Variants in RBFOX1 observed in about 807,000 individuals in gnomAD.
The protein encoded by RBFOX1 is RNA binding protein fox-1 homolog 1.
In RBFOX1, 8 loss-of-function variants were observed where a neutral mutation model predicts 57.7. The observed-to-expected ratio is 0.14, with a 90% CI of 0.08 to 0.25. The LOEUF (loss-of-function observed/expected upper bound fraction) is 0.25, where lower values mean the gene tolerates loss of function less well. Ranked by LOEUF, RBFOX1 falls within the 10% of genes least tolerant of loss-of-function variation. RBFOX1 has a pLI of 1.00. For missense variants in RBFOX1, 611 were observed against 548.5 expected (o/e 1.11, Z -1.14); for synonymous variants, 326 against 222.4 (o/e 1.47, Z -4.15).
intron 1 of RBFOX1, among the ~76,000 whole-genome samples, chr16:6,034,087 C>T (rs542738058): frequency 6.6e-6 from 1 of 152,054 alleles, no homozygotes; most frequent in South Asian, 2.1e-4. Flanking sequence ...GTAATCCCAG[C>T]CCTTTGGGAG....
intron 1 of RBFOX1, among the ~76,000 whole-genome samples, chr16:6,224,019 C>T (rs544116139): frequency 2.0e-4 from 30 of 152,018 alleles, no homozygotes; most frequent in Admixed American, 1.1e-3. Flanking sequence ...TGTAGATATG[C>T]GGCGTTATTT....
intron 4 of RBFOX1, among the ~76,000 whole-genome samples, chr16:7,329,721 G>C (rs1209008908): frequency 6.6e-6 from 1 of 152,168 alleles, no homozygotes; most frequent in African/African-American, 2.4e-5. Flanking sequence ...CTGGAGGTGG[G>C]AGGGACAGCC....
At chr16:7,060,459 G>A (rs2053902643) in intron 4 of RBFOX1, among the ~76,000 whole-genome samples, 2 of 152,148 alleles carry the variant, frequency 1.3e-5, no homozygotes, top group African/African-American at 4.8e-5. Context: ...AAAGCCTGAA[G>A]TTATTTCTAT....
At chr16:5,424,667 C>T (rs1359265968) in intron 1 of RBFOX1, among the ~76,000 whole-genome samples, 1 of 152,016 alleles carries the variant, frequency 6.6e-6, no homozygotes, top group Non-Finnish European at 1.5e-5. Flanking sequence ...CACGTGTATC[C>T]TGGAACTTAA....
chr16:6,568,211 T>C (rs1490740942), intron 2 of RBFOX1, among the ~76,000 whole-genome samples: 1 of 152,192 alleles, frequency 6.6e-6, no homozygotes, highest in Non-Finnish European at 1.5e-5. Context: ...GGTCCAGGAA[T>C]CTGGGAGTGG....
intron 2 of RBFOX1, among the ~76,000 whole-genome samples, chr16:5,540,473 G>C (rs2044886082): frequency 6.6e-6 from 1 of 152,188 alleles, no homozygotes; most frequent in Non-Finnish European, 1.5e-5. Flanking sequence ...CCAAACTTAA[G>C]TTTGGGGAAT....
rs1322228103 is a variant in RBFOX1, at chr16:5,564,227, A to C, written c.259-34675A>C. ...GGGACAGGGTTTCACTGTGTTGGCC[A>C]GGCTGGTCTTGAACTCCTGACCTCA... is the stretch of plus-strand genomic sequence containing the variant. On this transcript the variant is annotated intron_variant, in intron 2 of 2. Transcript: ENST00000585867. Among the ~76,000 whole-genome samples the C allele has an allele frequency of 2.7e-4, 41 of 151,938 alleles. 2 individuals are homozygous for C. Among genetic ancestry groups the C allele is most frequent in the Admixed American group, 2.7e-3 (41 of 15,236 alleles).
chr16:6,948,596 G>C (rs1171448908), intron 3 of RBFOX1, among the ~76,000 whole-genome samples: 1 of 151,678 alleles, frequency 6.6e-6, no homozygotes, highest in Non-Finnish European at 1.5e-5. Context: ...TGGCCAGACT[G>C]GTCTTGAACT....
intron 3 of RBFOX1, among the ~76,000 whole-genome samples, chr16:6,657,961 A>C (rs972383705): frequency 6.6e-6 from 1 of 151,868 alleles, no homozygotes; most frequent in South Asian, 2.1e-4. Flanking sequence ...CTTTCTGTCT[A>C]CTTCGTTTCC....
At chr16:7,510,198 C>T (rs886378935) in intron 4 of RBFOX1, 2 of 985,802 alleles carry the variant, frequency 2.0e-6, no homozygotes, top group African/African-American at 1.7e-5. Context: ...ACACATTGCA[C>T]AGCGCGCACA....
At chr16:7,177,066 C>G (rs1464368932) in intron 4 of RBFOX1, among the ~76,000 whole-genome samples, 1 of 152,202 alleles carries the variant, frequency 6.6e-6, no homozygotes, top group Non-Finnish European at 1.5e-5. Context: ...TAAATTCAGA[C>G]ATTGCCTGTC....
At position 6,091,537 on chromosome 16, in the gene RBFOX1, A is replaced by AC. The variant is rs60723439; in HGVS notation, c.-127+71546dup. Among the ~76,000 whole-genome samples, 30 of 151,922 alleles carry AC rather than the reference A, an allele frequency of 2.0e-4. No individual in the cohort carries two copies. In the East Asian group the frequency reaches 5.8e-3, roughly 29 times the overall value. ...ACTACATGGTAGGTATTCAAAAAAAACATTTGTTGAGGCCGAGTGTCATGG... is the reference window on the plus strand; with the variant it reads ...ACTACATGGTAGGTATTCAAAAAAAACCATTTGTTGAGGCCGAGTGTCATGG... On this transcript the variant is annotated intron_variant, in intron 1 of 15. Coordinates refer to ENST00000550418, the MANE Select transcript of RBFOX1 (RefSeq NM_018723.4).
chr16:7,021,722 A>G (rs925788840), intron 3 of RBFOX1, among the ~76,000 whole-genome samples: 47 of 150,648 alleles, frequency 3.1e-4, no homozygotes, highest in Admixed American at 1.3e-4. Context: ...AGCTTTTTGC[A>G]CATAACAAAA....
intron 2 of RBFOX1, among the ~76,000 whole-genome samples, chr16:6,578,741 C>T (rs563657167): frequency 4.0e-4 from 60 of 151,686 alleles, no homozygotes; most frequent in African/African-American, 1.5e-3. Context: ...GTCAGTTATC[C>T]CAAGTTTTAG....
At chr16:6,978,892 T>G (rs958153547) in intron 3 of RBFOX1, among the ~76,000 whole-genome samples, 1 of 152,198 alleles carries the variant, frequency 6.6e-6, no homozygotes, top group African/African-American at 2.4e-5. Context: ...TGCTTTCGGA[T>G]GCTGCAGAGT....
At chr16:7,705,016 C>G (rs2081982018) in intron 14 of RBFOX1, among the ~76,000 whole-genome samples, 1 of 147,536 alleles carries the variant, frequency 6.8e-6, no homozygotes, top group African/African-American at 2.5e-5. Flanking sequence ...TGCACTCCAG[C>G]CGAGGTGACA....
At chr16:7,644,828 C>T (rs2063450225) in intron 11 of RBFOX1, among the ~76,000 whole-genome samples, 1 of 152,096 alleles carries the variant, frequency 6.6e-6, no homozygotes, top group African/African-American at 2.4e-5. Context: ...TTGTGGGTGT[C>T]AGGAGATGTG....
chr16:6,915,099 C>T (rs957492788), intron 3 of RBFOX1, among the ~76,000 whole-genome samples: 2 of 152,222 alleles, frequency 1.3e-5, no homozygotes, highest in African/African-American at 4.8e-5. Flanking sequence ...ACACTGAGAA[C>T]TGGCCTGCGG....
intron 1 of RBFOX1, among the ~76,000 whole-genome samples, chr16:5,447,378 A>AGCTC (rs2068276812): frequency 7.4e-6 from 1 of 134,360 alleles, no homozygotes; most frequent in Non-Finnish European, 1.6e-5. Flanking sequence ...CAATCAATCA[A>AGCTC]TCTCTCTCTC....
Sources: allele counts gnomAD v4.1 joint callset (sites outside exome capture counted in the v4.1 genomes callset), GRCh38; gene constraint gnomAD v4.1.1; transcripts MANE v1.5; gene names NCBI Gene and HGNC (gene_info 2026-07-23, HGNC 2026-07-21).